Variants in ZNF701 observed in about 807,000 individuals in gnomAD.
ZNF701 encodes the protein zinc finger protein 701.
In ZNF701, 6 loss-of-function variants were observed where a neutral mutation model predicts 7.1. That is an observed-to-expected ratio of 0.84 (90% CI 0.46 to 1.66). The LOEUF is 1.66. Ranked by LOEUF, ZNF701 falls within the 40% of genes most tolerant of loss-of-function variation. The pLI, the probability that ZNF701 is intolerant of heterozygous loss-of-function variation, is 0.01. For synonymous variants in ZNF701, 166 were observed against 188.2 expected, an observed-to-expected ratio of 0.88 and a Z score of 0.97; for missense variants, 541 against 559.2, an observed-to-expected ratio of 0.97 and a Z score of 0.33.
downstream of ZNF701, among the ~76,000 whole-genome samples, chr19:52,591,675 G>A (rs558395626): frequency 3.9e-5 from 6 of 152,118 alleles, no homozygotes; most frequent in South Asian, 1.0e-3. Flanking sequence ...TCCTGCCTCA[G>A]CCTTCAAGTA....
downstream of ZNF701, among the ~76,000 whole-genome samples, chr19:52,590,097 T>A (rs2060031029): frequency 7.2e-6 from 1 of 139,278 alleles, no homozygotes; most frequent in Non-Finnish European, 1.5e-5. Flanking sequence ...CCTGGCCTGT[T>A]TTTTTTATTG....
chr19:52,596,530 G>A, the ZNF701 span: 18 of 410,122 alleles, frequency 4.4e-5, no homozygotes, highest in African/African-American at 3.3e-4. Flanking sequence ...GGAGAGAAAT[G>A]TTACACATGT....
chr19:52,595,692 C>T, the ZNF701 span: 2,087 of 1,421,376 alleles, frequency 1.5e-3, 9 homozygotes, highest in Middle Eastern at 0.024. Context: ...CACACAGGGA[C>T]GTTGCAAATA....
At position 52,581,892 on chromosome 19, in the gene ZNF701, C is replaced by T. The variant is rs185028880; in HGVS notation, c.143-310C>T. Among the ~76,000 whole-genome samples, 4 of 152,124 alleles carry T rather than the reference C, an allele frequency of 2.6e-5. No individual in the cohort carries two copies. The East Asian group carries it at 5.8e-4, about 22-fold the overall frequency. ...TCTCTTCTTTGATGTGACAGTGATA[C>T]GTCTTTTGCAAAGTGTGATACACTT... On this transcript the variant is annotated intron_variant, in intron 3 of 3. Coordinates refer to ENST00000391785, the MANE Select transcript of ZNF701 (RefSeq NM_018260.3).
chr19:52,577,325 C>G (rs2059941332), intron 3 of ZNF701, among the ~76,000 whole-genome samples: 1 of 152,102 alleles, frequency 6.6e-6, no homozygotes, highest in African/African-American at 2.4e-5. Context: ...GTCTCAAACT[C>G]CTGATCTCAA....
chr19:52,575,587 A>G (rs1180497654), intron 2 of ZNF701: 4 of 351,738 alleles, frequency 1.1e-5, no homozygotes, highest in Non-Finnish European at 2.2e-5. Context: ...TGAAACCTCC[A>G]CCATCAAGGT....
downstream of ZNF701, among the ~76,000 whole-genome samples, chr19:52,587,709 A>G (rs2060020405): frequency 6.6e-6 from 1 of 152,224 alleles, no homozygotes; most frequent in Non-Finnish European, 1.5e-5. Context: ...GGCTGGCGCC[A>G]TCTGAGTGGA....
At chr19:52,592,612 TTA>T in the ZNF701 span, among the ~76,000 whole-genome samples, 2 of 152,142 alleles carry the variant, frequency 1.3e-5, no homozygotes, top group South Asian at 4.1e-4. Flanking sequence ...CATTTTGTTT[TTA>T]TGAGACAGAG....
chr19:52,596,491 A>T, the ZNF701 span: 1 of 433,962 alleles, frequency 2.3e-6, no homozygotes, highest in Non-Finnish European at 4.6e-6. Flanking sequence ...GGGATAATTC[A>T]TGCCTTTCAT....
chr19:52,591,426 C>T (rs1314915045), downstream of ZNF701, among the ~76,000 whole-genome samples: 2 of 152,122 alleles, frequency 1.3e-5, no homozygotes, highest in African/African-American at 2.4e-5. Context: ...AGTAATCCAC[C>T]CACCTTGGTT....
At chr19:52,589,371 G>C (rs538440259), downstream of ZNF701, among the ~76,000 whole-genome samples, 5 of 151,938 alleles carry the variant, frequency 3.3e-5, no homozygotes, top group East Asian at 9.7e-4. Flanking sequence ...CTTTTCATGT[G>C]TTTTGAGAGC....
chr19:52,595,934 T>C, the ZNF701 span: 1 of 1,612,670 alleles, frequency 6.2e-7, no homozygotes, highest in Non-Finnish European at 8.5e-7. Context: ...ACTCCACATG[T>C]TTCAGACCCA....
Position 52,584,810 on chromosome 19 carries a change from T to G in ZNF701, c.*1353T>G, listed in dbSNP as rs1380055956. ...AATGTGTTGATTAGTTCCAGTAGTA[T>G]TTTGGTTGACTCAGGCCCCGCCCAC... On this transcript the variant is annotated 3_prime_UTR_variant, in exon 4 of 4. Transcript: ENST00000391785. 1.3e-5 allele frequency: 2 copies of G among 152,226 alleles called. No homozygotes were observed. Among genetic ancestry groups the G allele is most frequent in the Non-Finnish European group, 2.9e-5 (2 of 68,050 alleles). 9.4% of individuals were successfully genotyped at this position (152,226 alleles called of 1,614,324 possible). A position where few individuals can be genotyped will look rare whatever the true frequency, so the allele number is the denominator to read the frequency against.
chr19:52,592,143 G>T, downstream of ZNF701: 1 of 1,418,852 alleles, frequency 7.0e-7, no homozygotes, highest in Non-Finnish European at 9.9e-7. Flanking sequence ...ATTTCTCTTT[G>T]GAGGAGTGGA....
At chr19:52,571,368 C>CA (rs1186276556) in intron 1 of ZNF701, among the ~76,000 whole-genome samples, 9 of 151,352 alleles carry the variant, frequency 5.9e-5, no homozygotes, top group East Asian at 3.9e-4. Flanking sequence ...AGAGTGGGGA[C>CA]GGGGGGTAAA....
intron 1 of ZNF701, among the ~76,000 whole-genome samples, chr19:52,571,127 G>A (rs2146975094): frequency 6.6e-6 from 1 of 152,152 alleles, no homozygotes; most frequent in Non-Finnish European, 1.5e-5. Flanking sequence ...AAGAAAGCAG[G>A]AGGAGAAAAG....
At chr19:52,577,370 C>T (rs1468827474) in intron 3 of ZNF701, among the ~76,000 whole-genome samples, 2 of 151,856 alleles carry the variant, frequency 1.3e-5, no homozygotes, top group Non-Finnish European at 1.5e-5. Context: ...AAAGTGTGGA[C>T]CTAAGATTAC....
chr19:52,590,670 T>C (rs2060033446), downstream of ZNF701, among the ~76,000 whole-genome samples: 1 of 152,050 alleles, frequency 6.6e-6, no homozygotes, highest in Non-Finnish European at 1.5e-5. Context: ...TTGGGTCACT[T>C]TATCCTCTGC....
downstream of ZNF701, among the ~76,000 whole-genome samples, chr19:52,589,367 A>G (rs2147004837): frequency 6.6e-6 from 1 of 151,726 alleles, no homozygotes; most frequent in African/African-American, 2.4e-5. Flanking sequence ...CATACTTTTC[A>G]TGTGTTTTGA....
Sources: allele counts gnomAD v4.1 joint callset (sites outside exome capture counted in the v4.1 genomes callset), GRCh38; gene constraint gnomAD v4.1.1; transcripts MANE v1.5; gene names NCBI Gene and HGNC (gene_info 2026-07-23, HGNC 2026-07-21).